Variants in ROR2 observed in about 807,000 individuals in gnomAD.
ROR2 encodes the protein tyrosine-protein kinase transmembrane receptor ROR2.
Under a neutral mutation model 74.9 loss-of-function variants are expected in ROR2, and 33 were observed. The ratio of observed to expected loss-of-function variants is 0.44; its 90% confidence interval spans 0.33 to 0.59. The LOEUF is 0.59. ROR2 is among the 20% of genes least tolerant of loss of function. The pLI is 0.02. For missense variants in ROR2, 1,216 were observed against 1,313.8 expected (o/e 0.93, Z 1.15); for synonymous variants, 586 against 558.7 (o/e 1.05, Z -0.69).
intron 1 of ROR2, among the ~76,000 whole-genome samples, chr9:91,845,352 T>C (rs1022398578): frequency 6.6e-6 from 1 of 152,106 alleles, no homozygotes; most frequent in African/African-American, 2.4e-5. Flanking sequence ...TCCAAGTCTT[T>C]CAGGTGATCT....
chr9:91,925,527 C>T (rs1341071937), intron 1 of ROR2, among the ~76,000 whole-genome samples: 1 of 151,246 alleles, frequency 6.6e-6, no homozygotes, highest in African/African-American at 2.4e-5. Context: ...GTTTTGGTGC[C>T]TGGCACATGC....
In ROR2 at chr9:91,841,037, C is replaced by T. The variant is rs140828936; in HGVS notation, c.98-65219G>A. On this transcript the variant is annotated intron_variant, in intron 1 of 8. Transcript: ENST00000375708. ...TATGTAATACAGCAGAGCTTGTGCA[C>T]CCACAGCCAAATCATAGACTGAAAC... Among the ~76,000 whole-genome samples, 398 of 152,334 alleles carry T rather than the reference C, an allele frequency of 2.6e-3. 1 individual carries two copies. The highest frequency in any genetic ancestry group is 9.0e-3 in the African/African-American group (373 of 41,574).
intron 1 of ROR2, among the ~76,000 whole-genome samples, chr9:91,917,075 T>C (rs924088620): frequency 1.2e-4 from 19 of 152,200 alleles, no homozygotes; most frequent in Non-Finnish European, 2.4e-4. Context: ...AACCATTTCG[T>C]TGAAGTTCAT....
intron 1 of ROR2, among the ~76,000 whole-genome samples, chr9:91,849,994 T>A (rs138183555): frequency 1.5e-4 from 23 of 152,070 alleles, no homozygotes; most frequent in African/African-American, 5.3e-4. Flanking sequence ...AACACTTAAG[T>A]TATTTCTTTT....
chr9:91,758,937 T>C (rs1825836633), intron 2 of ROR2, among the ~76,000 whole-genome samples: 1 of 152,178 alleles, frequency 6.6e-6, no homozygotes, highest in African/African-American at 2.4e-5. Flanking sequence ...AAACTAATGT[T>C]GGACAAGAAA....
At chr9:91,824,937 C>A (rs1354820955) in intron 1 of ROR2, among the ~76,000 whole-genome samples, 3 of 152,200 alleles carry the variant, frequency 2.0e-5, no homozygotes, top group Non-Finnish European at 4.4e-5. Context: ...CCACAGGGCA[C>A]CCCCGGCCCG....
Position 91,724,434 on chromosome 9 carries a change from C to T in ROR2, c.2060G>A (p.Ser687Asn). The T allele has an allele frequency of 6.2e-7, 1 of 1,614,182 alleles. No individual in the cohort carries two copies. The highest frequency in any genetic ancestry group is 1.7e-5 in the Admixed American group (1 of 60,030). ...CCCGCAGTAGGGCTGCAGGCCGTAG[C>T]TGAAGACCTCCCACAGGACCACACC... ...SYGVVLWEVF[S>N]YGLQPYCGYS... The change falls in exon 9 of 9, where the codon AGC (serine) becomes AAC (asparagine). Residue 687 changes from serine (S) to asparagine (N), a missense_variant. Ser to Asn is a conservative substitution (Grantham distance 46, BLOSUM62 1). Transcript: ENST00000375708.
At chr9:91,929,646 C>T (rs926560350) in intron 1 of ROR2, among the ~76,000 whole-genome samples, 2 of 152,164 alleles carry the variant, frequency 1.3e-5, no homozygotes, top group Non-Finnish European at 2.9e-5. Context: ...ATGCAGGTGG[C>T]TCCCAATGAC....
chr9:91,769,978 C>A (rs34447092), intron 2 of ROR2, among the ~76,000 whole-genome samples: 14,807 of 152,270 alleles, frequency 0.097, 816 homozygotes, highest in Middle Eastern at 0.14. Context: ...TCCCAGAAAC[C>A]CCCCGTGCCC....
At chr9:91,867,085 C>T (rs1489966992) in intron 1 of ROR2, among the ~76,000 whole-genome samples, 2 of 152,136 alleles carry the variant, frequency 1.3e-5, no homozygotes, top group Non-Finnish European at 2.9e-5. Context: ...AGCTATAAAA[C>T]CTGGAACGAA....
intron 1 of ROR2, among the ~76,000 whole-genome samples, chr9:91,922,074 A>T (rs902207062): frequency 3.3e-5 from 5 of 151,900 alleles, no homozygotes; most frequent in Non-Finnish European, 7.4e-5. Context: ...GACTAGGACG[A>T]CTATTACCAA....
rs1296007885 is a variant in ROR2, at chr9:91,819,450, GTC to G, written c.98-43634_98-43633del. ...TAGTCTCTGTGTGTGTTCTGTGTGTGTCTGTGTATGTGTCTGTGTGTCTCTTT... is the reference window on the plus strand; with the variant it reads ...TAGTCTCTGTGTGTGTTCTGTGTGTGTGTGTATGTGTCTGTGTGTCTCTTT... On this transcript the variant is annotated intron_variant, in intron 1 of 8. Coordinates refer to ENST00000375708, the MANE Select transcript of ROR2 (RefSeq NM_004560.4). Among the ~76,000 whole-genome samples the G allele has an allele frequency of 7.2e-5, 11 of 152,190 alleles. No homozygotes were observed. The East Asian group carries it at 2.1e-3, about 29-fold the overall frequency.
intron 2 of ROR2, among the ~76,000 whole-genome samples, chr9:91,775,216 A>G (rs1332196195): frequency 3.9e-5 from 6 of 152,348 alleles, no homozygotes; most frequent in East Asian, 1.9e-4. Context: ...CACTATATGC[A>G]TTAGCAAACA....
At chr9:91,744,771 G>T (rs1291323851) in intron 4 of ROR2, among the ~76,000 whole-genome samples, 1 of 152,168 alleles carries the variant, frequency 6.6e-6, no homozygotes, top group East Asian at 1.9e-4. Context: ...ATCACATAAG[G>T]TGGCCAGAGG....
At chr9:91,736,288 C>T (rs550887684) in intron 5 of ROR2, among the ~76,000 whole-genome samples, 17 of 152,314 alleles carry the variant, frequency 1.1e-4, no homozygotes, top group Admixed American at 8.5e-4. Context: ...GCAGTCTCTT[C>T]TGTGACCGTG....
intron 2 of ROR2, among the ~76,000 whole-genome samples, chr9:91,773,646 T>C (rs1313581249): frequency 6.6e-6 from 1 of 152,222 alleles, no homozygotes; most frequent in African/African-American, 2.4e-5. Flanking sequence ...GCCTTCCAGC[T>C]GCCCTATTGA....
Position 91,733,334 on chromosome 9 carries a change from C to T in ROR2, c.725G>A (p.Arg242His), listed in dbSNP as rs756285939. The T allele has an allele frequency of 6.8e-6, 11 of 1,612,196 alleles. No individual in the cohort carries two copies. Among genetic ancestry groups the T allele is most frequent in the African/African-American group, 1.3e-5 (1 of 74,928 alleles). Residue 242 changes from arginine (R) to histidine (H), a missense_variant, in exon 6 of 9, where the codon CGC becomes CAC. Physicochemically the swap from Arg to His is conservative, Grantham distance 29. Transcript: ENST00000375708. This position sits in a 1 kb window ranked among gnomAD's most constrained non-coding sequence, Gnocchi z 5.7. ...CTCACGCGGCTTGGGTGTCCGGGAG[C>T]GCGCGTCGCACAGAGGAAACACGAA... Reference protein sequence around the residue: ...CHFVFPLCDARSRTPKPRELC... With the variant: ...CHFVFPLCDAHSRTPKPRELC...
At chr9:91,753,052 TA>T (rs1179129771) in intron 4 of ROR2, among the ~76,000 whole-genome samples, 2 of 152,194 alleles carry the variant, frequency 1.3e-5, no homozygotes, top group African/African-American at 2.4e-5. Context: ...TAGTCCTTGA[TA>T]AGAAAATTCA....
chr9:91,925,468 G>GTGTGTGTGTA (rs1019951305), intron 1 of ROR2, among the ~76,000 whole-genome samples: 4 of 76,616 alleles, frequency 5.2e-5, no homozygotes. Flanking sequence ...CTGCCTGTAT[G>GTGTGTGTGTA]TGTGTGTGTG....
Sources: gnomAD v4.1 joint callset for allele counts (sites outside exome capture counted in the v4.1 genomes callset) on GRCh38, gnomAD v4.1.1 for gene constraint, Gnocchi (gnomAD v3.1) non-coding constraint, MANE v1.5 for transcripts, NCBI Gene and HGNC (gene_info 2026-07-23, HGNC 2026-07-21) for gene names.